TLN2: variants seen among roughly 807,000 people sequenced by gnomAD.
The protein encoded by TLN2 is talin 2, also known as talin-2.
In TLN2, 118 loss-of-function variants were observed where a neutral mutation model predicts 294.7. That is an observed-to-expected ratio of 0.40 (90% CI 0.34 to 0.47). The LOEUF is 0.47. Ranked by LOEUF, TLN2 falls within the 20% of genes least tolerant of loss-of-function variation. The pLI, the probability that TLN2 is intolerant of heterozygous loss-of-function variation, is 0.84. For synonymous variants in TLN2, 1,431 were observed against 1,304.5 expected (o/e 1.10, Z -2.09); for missense variants, 3,083 against 3,282.2 (o/e 0.94, Z 1.48).
chr15:62,825,793 A>ATATATATT (rs71131130), intron 54 of TLN2, among the ~76,000 whole-genome samples: 2 of 9,398 alleles, frequency 2.1e-4, no homozygotes, highest in Non-Finnish European at 3.1e-4. Context: ...TATATATTAT[A>ATATATATT]ATATATATTA....
Position 62,800,475 on chromosome 15 carries a change from G to C in TLN2, c.6342G>C (p.Gln2114His). The C allele has an allele frequency of 1.2e-6, 2 of 1,614,172 alleles. No homozygotes were observed. The highest frequency in any genetic ancestry group is 1.1e-5 in the South Asian group (1 of 91,082). The change falls in exon 49 of 59, where the codon CAG becomes CAC. Residue 2114 changes from glutamine (Q) to histidine (H), a missense_variant. Gln to His is a conservative substitution (Grantham distance 24). Transcript: ENST00000636159. ...CAGTGGACGACCCTTCCATGTACCA[G>C]CTCAAGGGGGCTGCCAAGGTAGAGT... ...SKPVDDPSMY[Q>H]LKGAAKVMVT...
At chr15:62,493,910 C>T (rs1332069053) in intron 1 of TLN2, among the ~76,000 whole-genome samples, 5 of 152,100 alleles carry the variant, frequency 3.3e-5, no homozygotes, top group Non-Finnish European at 7.4e-5. Context: ...CATGCCTGGC[C>T]GAGGTTGCCT....
At chr15:62,581,826 C>T (rs916685472) in intron 1 of TLN2, among the ~76,000 whole-genome samples, 9 of 151,900 alleles carry the variant, frequency 5.9e-5, no homozygotes, top group Admixed American at 1.3e-4. Flanking sequence ...GGCAGATCAC[C>T]TGAGATTAGG....
intron 1 of TLN2, among the ~76,000 whole-genome samples, chr15:62,468,744 C>CAAAA (rs72096398): frequency 8.6e-6 from 1 of 116,730 alleles, no homozygotes; most frequent in East Asian, 2.3e-4. Context: ...GACTCTGTCT[C>CAAAA]AAAAAAAAAA....
intron 19 of TLN2, among the ~76,000 whole-genome samples, chr15:62,705,541 C>G (rs528275952): frequency 1.3e-5 from 2 of 152,162 alleles, no homozygotes; most frequent in Admixed American, 6.5e-5. Flanking sequence ...TTTCTTTAAA[C>G]AATTCTAACA....
chr15:62,579,068 G>C (rs1476999884), intron 1 of TLN2, among the ~76,000 whole-genome samples: 2 of 152,106 alleles, frequency 1.3e-5, no homozygotes, highest in Admixed American at 1.3e-4. Flanking sequence ...AGAAAATGGG[G>C]GCCTTGGGTT....
intron 1 of TLN2, among the ~76,000 whole-genome samples, chr15:62,498,182 A>C (rs113300445): frequency 0.011 from 1,609 of 151,568 alleles, 7 homozygotes; most frequent in Non-Finnish European, 0.015. Flanking sequence ...AAAGAAAAAA[A>C]AGTCTGGAAT....
intron 43 of TLN2, among the ~76,000 whole-genome samples, chr15:62,779,758 G>T (rs62004641): frequency 0.16 from 24,713 of 152,264 alleles, 2,105 homozygotes; most frequent in East Asian, 0.22. Context: ...GGGCCCCCGT[G>T]CCGTGATGGG....
chr15:62,570,597 C>T (rs139126396), intron 1 of TLN2, among the ~76,000 whole-genome samples: 3 of 152,040 alleles, frequency 2.0e-5, no homozygotes, highest in Admixed American at 6.6e-5. Flanking sequence ...TCTCTTTTCC[C>T]TAATTTTGGT....
At chr15:62,615,986 T>C (rs2048286671) in intron 2 of TLN2, among the ~76,000 whole-genome samples, 1 of 152,208 alleles carries the variant, frequency 6.6e-6, no homozygotes, top group African/African-American at 2.4e-5. Context: ...GTATTTGTTC[T>C]TTTGTGAAAT....
chr15:62,806,760 T>G (rs1283415474), intron 51 of TLN2, among the ~76,000 whole-genome samples: 2 of 152,162 alleles, frequency 1.3e-5, no homozygotes, highest in African/African-American at 4.8e-5. Context: ...CCCCAGGGAC[T>G]CCGGCTTCTG....
chr15:62,707,722 A>C (rs1017224963), intron 20 of TLN2, among the ~76,000 whole-genome samples: 10 of 152,184 alleles, frequency 6.6e-5, no homozygotes, highest in Non-Finnish European at 1.5e-5. Flanking sequence ...GTAATCCTGC[A>C]AATTAAGCAC....
intron 19 of TLN2, among the ~76,000 whole-genome samples, chr15:62,705,021 T>C (rs1159666795): frequency 6.6e-6 from 1 of 152,242 alleles, no homozygotes; most frequent in African/African-American, 2.4e-5. Context: ...ATTCTTCCTT[T>C]AAACATCCCA....
At chr15:62,407,913 ACT>A (rs2033515785) in intron 1 of TLN2, among the ~76,000 whole-genome samples, 1 of 149,874 alleles carries the variant, frequency 6.7e-6, no homozygotes, top group East Asian at 2.0e-4. Context: ...AGAGAGTGAG[ACT>A]CTGTCTCAAA....
rs150589813 is a variant in TLN2, at chr15:62,757,288, T to A, written c.4638+1595T>A. Among the ~76,000 whole-genome samples the A allele has an allele frequency of 4.3e-3, 661 of 152,290 alleles. 6 individuals are homozygous for A. The highest frequency in any genetic ancestry group is 0.013 in the African/African-American group (554 of 41,562). On this transcript the variant is annotated intron_variant, in intron 37 of 58. Transcript: ENST00000636159. ...ACCTCTTTGGGATGGAGAGACGAAGTCATCTCTCCAGCCTGGGAAGAAAGA... is the reference window on the plus strand; with the variant it reads ...ACCTCTTTGGGATGGAGAGACGAAGACATCTCTCCAGCCTGGGAAGAAAGA...
Position 62,702,831 on chromosome 15 carries a change from G to C in TLN2, c.1971G>C (p.Gln657His), listed in dbSNP as rs1326999599. ...AAGCCAGTGGGGATCTTCTGAGACAGATTGGAGAGAATGAGACTGATGAGC... is the reference window on the plus strand; with the variant it reads ...AAGCCAGTGGGGATCTTCTGAGACACATTGGAGAGAATGAGACTGATGAGC... Reference protein sequence around the residue: ...IGQASGDLLRQIGENETDERF... With the variant: ...IGQASGDLLRHIGENETDERF... Residue 657 changes from glutamine (Q) to histidine (H), a missense_variant, in exon 19 of 59, where the codon CAG (glutamine) becomes CAC (histidine). Gln to His is a conservative substitution (Grantham distance 24). Coordinates refer to ENST00000636159, the MANE Select transcript of TLN2 (RefSeq NM_015059.3). 1 of 1,614,236 alleles carries C rather than the reference G, an allele frequency of 6.2e-7. No individual in the cohort carries two copies.
At chr15:62,725,867 CT>C (rs772816655) in intron 27 of TLN2, among the ~76,000 whole-genome samples, 1 of 152,134 alleles carries the variant, frequency 6.6e-6, no homozygotes, top group Non-Finnish European at 1.5e-5. Flanking sequence ...GAGCTTCTGG[CT>C]CTTTGAACGA....
At chr15:62,624,389 C>A (rs534341562) in intron 3 of TLN2, among the ~76,000 whole-genome samples, 15 of 152,314 alleles carry the variant, frequency 9.8e-5, no homozygotes, top group Non-Finnish European at 2.1e-4. Flanking sequence ...CCGACTGAAT[C>A]CCATCCTAGG....
Position 62,842,122 on chromosome 15 carries a change from C to T in TLN2, c.*1512C>T, listed in dbSNP as rs1277154923. On this transcript the variant is annotated 3_prime_UTR_variant, in exon 59 of 59. Coordinates refer to ENST00000636159, the MANE Select transcript of TLN2 (RefSeq NM_015059.3). The stretch of plus-strand genomic sequence containing the variant: ...CGATCTTGTTTCACCAGACTCTAGC[C>T]CATGTCATGGTTTTAAAATACATAA... 6.6e-6 allele frequency: 1 copy of T among 152,150 alleles called. No homozygotes were observed. Among genetic ancestry groups the T allele is most frequent in the Non-Finnish European group, 1.5e-5 (1 of 68,036 alleles). 9.4% of individuals were successfully genotyped at this position (152,150 alleles called of 1,614,324 possible). A position where few individuals can be genotyped will look rare whatever the true frequency, so the allele number is the denominator to read the frequency against.
Sources: allele counts gnomAD v4.1 joint callset (sites outside exome capture counted in the v4.1 genomes callset), GRCh38; gene constraint gnomAD v4.1.1; transcripts MANE v1.5; gene names NCBI Gene and HGNC (gene_info 2026-07-23, HGNC 2026-07-21).